AKT3: variants seen among roughly 807,000 people sequenced by gnomAD.
The protein encoded by AKT3 is AKT serine/threonine kinase 3.
In AKT3, 15 loss-of-function variants were observed where a neutral mutation model predicts 65.3. The ratio of observed to expected loss-of-function variants is 0.23; its 90% confidence interval spans 0.15 to 0.35. AKT3 has a LOEUF of 0.35. Among genes scored for constraint, AKT3 ranks in the 10% least tolerant of loss-of-function variants. The pLI is 1.00. For synonymous variants in AKT3, 206 were observed against 183.8 expected (o/e 1.12, Z -0.98); for missense variants, 243 against 576.5 (o/e 0.42, Z 5.92).
At chr1:243,635,877 T>C (rs1411701512) in intron 6 of AKT3, among the ~76,000 whole-genome samples, 1 of 152,030 alleles carries the variant, frequency 6.6e-6, no homozygotes, top group Non-Finnish European at 1.5e-5. Context: ...ATCTTCATAG[T>C]GTTAATCATC....
chr1:243,742,292 T>C (rs946215066), intron 2 of AKT3, among the ~76,000 whole-genome samples: 1 of 152,134 alleles, frequency 6.6e-6, no homozygotes, highest in African/African-American at 2.4e-5. Flanking sequence ...TTAAAATCAT[T>C]TTAATGTTAT....
intron 2 of AKT3, among the ~76,000 whole-genome samples, chr1:243,766,863 A>G (rs942629049): frequency 2.0e-5 from 3 of 152,176 alleles, no homozygotes; most frequent in Non-Finnish European, 4.4e-5. Context: ...GAAGATATGA[A>G]TGTTTCTAGT....
At chr1:243,664,564 T>C (rs1175524607) in intron 4 of AKT3, among the ~76,000 whole-genome samples, 1 of 152,152 alleles carries the variant, frequency 6.6e-6, no homozygotes, top group Non-Finnish European at 1.5e-5. Context: ...TGAAAGTATA[T>C]CTTCTAGCAT....
At chr1:243,604,390 T>C (rs887336048) in intron 8 of AKT3, among the ~76,000 whole-genome samples, 6 of 152,190 alleles carry the variant, frequency 3.9e-5, no homozygotes, top group Non-Finnish European at 5.9e-5. Context: ...AGTGAAGATC[T>C]GTCTTAATGT....
intron 8 of AKT3, among the ~76,000 whole-genome samples, chr1:243,592,609 T>G (rs575270296): frequency 6.6e-6 from 1 of 152,318 alleles, no homozygotes; most frequent in South Asian, 2.1e-4. Context: ...CATAGCTAAA[T>G]ATCTTTCCAA....
Position 243,802,276 on chromosome 1 carries a change from A to G in AKT3, c.46+40849T>C, listed in dbSNP as rs1415760227. Among the ~76,000 whole-genome samples the G allele has an allele frequency of 4.6e-5, 7 of 152,204 alleles. No homozygotes were observed. In the East Asian group the frequency reaches 1.3e-3, roughly 29 times the overall value. On this transcript the variant is annotated intron_variant, in intron 2 of 13. Coordinates refer to ENST00000673466, the MANE Select transcript of AKT3 (RefSeq NM_005465.7). ...TAAGGTAGAGTCAAATTCTGTTACA[A>G]AAAGTTCCATATGACCCCTCTACGC...
chr1:243,849,499 C>G (rs893265034), intron 1 of AKT3, among the ~76,000 whole-genome samples: 71 of 151,746 alleles, frequency 4.7e-4, no homozygotes, highest in Non-Finnish European at 8.8e-4. Flanking sequence ...TCACCCCACC[C>G]CACGCGCAGA....
At chr1:243,512,049 G>C (rs1473039681) in intron 13 of AKT3, among the ~76,000 whole-genome samples, 1 of 152,194 alleles carries the variant, frequency 6.6e-6, no homozygotes, top group Non-Finnish European at 1.5e-5. Context: ...TTGGTGAACA[G>C]TAAGGAAGAG....
chr1:243,809,324 G>A (rs372266546), intron 2 of AKT3, among the ~76,000 whole-genome samples: 6 of 152,066 alleles, frequency 3.9e-5, no homozygotes, highest in South Asian at 2.1e-4. Flanking sequence ...TCAAAATAAA[G>A]GGATGGAGGA....
chr1:243,714,342 T>G (rs1010284721), intron 2 of AKT3, among the ~76,000 whole-genome samples: 2 of 152,232 alleles, frequency 1.3e-5, no homozygotes, highest in Non-Finnish European at 2.9e-5. Context: ...GTGTCCACTT[T>G]GTACAGATAT....
chr1:243,641,079 T>A (rs1300356502), intron 5 of AKT3, among the ~76,000 whole-genome samples: 2 of 152,096 alleles, frequency 1.3e-5, no homozygotes. Context: ...TGGCTTAGCC[T>A]CCCAGCCTAC....
intron 13 of AKT3, among the ~76,000 whole-genome samples, chr1:243,490,334 G>A (rs543877754): frequency 8.5e-5 from 13 of 152,340 alleles, no homozygotes; most frequent in South Asian, 6.2e-4. Context: ...GGAGCGGGCC[G>A]CTCAAAGTCC....
intron 2 of AKT3, among the ~76,000 whole-genome samples, chr1:243,755,311 G>A (rs895404031): frequency 1.9e-4 from 29 of 151,248 alleles, no homozygotes; most frequent in Non-Finnish European, 3.2e-4. Context: ...CTGAGCCCAA[G>A]TGATCTGCCC....
chr1:243,494,696 C>T (rs1469457831), intron 13 of AKT3, among the ~76,000 whole-genome samples: 2 of 152,200 alleles, frequency 1.3e-5, no homozygotes, highest in Non-Finnish European at 2.9e-5. Context: ...GGAGAAAAGT[C>T]AATTGAATTT....
At chr1:243,607,217 C>T (rs916867141) in intron 8 of AKT3, among the ~76,000 whole-genome samples, 23 of 152,280 alleles carry the variant, frequency 1.5e-4, no homozygotes, top group Middle Eastern at 6.8e-3. Flanking sequence ...GACCCCAGAA[C>T]GGTAATCTAC....
intron 8 of AKT3, among the ~76,000 whole-genome samples, chr1:243,577,880 G>A (rs886320727): frequency 1.3e-5 from 2 of 152,096 alleles, no homozygotes; most frequent in Non-Finnish European, 2.9e-5. Context: ...CAAAGGACAT[G>A]AGCAGACACT....
At chr1:243,492,295 C>T (rs1448724522) in intron 13 of AKT3, among the ~76,000 whole-genome samples, 20 of 63,128 alleles carry the variant, frequency 3.2e-4, no homozygotes, top group African/African-American at 4.0e-4. Flanking sequence ...CGTTTCTTGG[C>T]TTTTTTTTTT....
chr1:243,527,914 C>A (rs1382860215), intron 12 of AKT3, among the ~76,000 whole-genome samples: 1 of 97,376 alleles, frequency 1.0e-5, no homozygotes, highest in African/African-American at 4.9e-5. Context: ...CACACACACA[C>A]ACACACACAC....
intron 2 of AKT3, among the ~76,000 whole-genome samples, chr1:243,756,469 T>C (rs1257381668): frequency 1.3e-5 from 2 of 152,220 alleles, no homozygotes; most frequent in African/African-American, 4.8e-5. Context: ...GGAATCCCGC[T>C]GGCCACATCT....
Sources: gnomAD v4.1 joint callset for allele counts (sites outside exome capture counted in the v4.1 genomes callset) on GRCh38, gnomAD v4.1.1 for gene constraint, MANE v1.5 for transcripts, NCBI Gene and HGNC (gene_info 2026-07-23, HGNC 2026-07-21) for gene names.